PHACTR1: variants seen among roughly 807,000 people sequenced by gnomAD.
PHACTR1 encodes phosphatase and actin regulator 1.
Under a neutral mutation model 69.2 loss-of-function variants are expected in PHACTR1, and 16 were observed. That is an observed-to-expected ratio of 0.23 (90% CI 0.16 to 0.35). The LOEUF is 0.35. Ranked by LOEUF, PHACTR1 falls within the 10% of genes least tolerant of loss-of-function variation. The probability of loss-of-function intolerance (pLI) is 1.00; values close to 1 mark genes in which losing one functional copy is unlikely to be tolerated. For missense variants in PHACTR1, 510 were observed against 734.7 expected, an observed-to-expected ratio of 0.69 and a Z score of 3.54; for synonymous variants, 312 against 284.5, an observed-to-expected ratio of 1.10 and a Z score of -0.97.
At chr6:12,912,142 C>A (rs1331398641) in intron 4 of PHACTR1, among the ~76,000 whole-genome samples, 1 of 152,144 alleles carries the variant, frequency 6.6e-6, no homozygotes, top group Non-Finnish European at 1.5e-5. Flanking sequence ...GAATTACAGG[C>A]ATGCACCACC....
chr6:13,166,748 C>T (rs777515188), intron 6 of PHACTR1, among the ~76,000 whole-genome samples: 30 of 152,018 alleles, frequency 2.0e-4, no homozygotes, highest in Non-Finnish European at 3.8e-4. Context: ...ATAGTCATCC[C>T]GAGGTATACG....
intron 4 of PHACTR1, among the ~76,000 whole-genome samples, chr6:12,767,303 C>T (rs1006873327): frequency 6.6e-6 from 1 of 152,234 alleles, no homozygotes; most frequent in African/African-American, 2.4e-5. Flanking sequence ...AGAATTCCCC[C>T]AGCCTTGCTC....
chr6:13,096,309 C>T (rs1207726971), intron 5 of PHACTR1, among the ~76,000 whole-genome samples: 1 of 152,158 alleles, frequency 6.6e-6, no homozygotes, highest in Non-Finnish European at 1.5e-5. Flanking sequence ...CATTCACAAG[C>T]CTCTCTAAAG....
At chr6:13,252,419 T>C (rs1774599054) in intron 10 of PHACTR1, among the ~76,000 whole-genome samples, 1 of 151,990 alleles carries the variant, frequency 6.6e-6, no homozygotes, top group Non-Finnish European at 1.5e-5. Context: ...CATTTGACTC[T>C]CCATTTTCCA....
At chr6:13,082,858 G>T (rs1583279621) in intron 5 of PHACTR1, among the ~76,000 whole-genome samples, 1 of 152,246 alleles carries the variant, frequency 6.6e-6, no homozygotes, top group East Asian at 1.9e-4. Flanking sequence ...TTTGTCAGAT[G>T]AGTAGGTTGC....
chr6:12,747,406 G>A (rs965384577), intron 3 of PHACTR1, among the ~76,000 whole-genome samples: 1 of 151,794 alleles, frequency 6.6e-6, no homozygotes, highest in Admixed American at 6.6e-5. Flanking sequence ...GCTCATGCTT[G>A]TATTCCCAGC....
chr6:13,177,375 C>CTA (rs1358482298), intron 6 of PHACTR1, among the ~76,000 whole-genome samples: 1 of 130,830 alleles, frequency 7.6e-6, no homozygotes, highest in Non-Finnish European at 1.7e-5. Context: ...CTCTCTCTCT[C>CTA]TCTCTCTATA....
At chr6:13,171,497 C>T (rs1277055446) in intron 6 of PHACTR1, among the ~76,000 whole-genome samples, 2 of 152,212 alleles carry the variant, frequency 1.3e-5, no homozygotes, top group Admixed American at 6.5e-5. Context: ...CTACCTTGAG[C>T]GGTGCTGTCC....
At chr6:12,986,563 G>A (rs2127599745) in intron 4 of PHACTR1, among the ~76,000 whole-genome samples, 1 of 152,296 alleles carries the variant, frequency 6.6e-6, no homozygotes, top group Non-Finnish European at 1.5e-5. Context: ...TTCTATGCTA[G>A]GCAGCATGCT....
intron 7 of PHACTR1, among the ~76,000 whole-genome samples, chr6:13,203,124 C>A (rs1201793281): frequency 6.6e-6 from 1 of 152,238 alleles, no homozygotes; most frequent in African/African-American, 2.4e-5. Context: ...TAATCTGTTT[C>A]AGGCTCACAT....
chr6:13,256,182 C>T (rs1025384095), intron 10 of PHACTR1, among the ~76,000 whole-genome samples: 2 of 152,252 alleles, frequency 1.3e-5, no homozygotes. Context: ...CTGAGCTGCA[C>T]CTGGGCCCCT....
At chr6:13,100,563 C>A (rs1814995770) in intron 5 of PHACTR1, among the ~76,000 whole-genome samples, 1 of 152,190 alleles carries the variant, frequency 6.6e-6, no homozygotes, top group Non-Finnish European at 1.5e-5. Flanking sequence ...CCTCTCTTAC[C>A]TTGCAATGGA....
At chr6:12,821,960 G>A (rs1003755316) in intron 4 of PHACTR1, among the ~76,000 whole-genome samples, 2 of 152,144 alleles carry the variant, frequency 1.3e-5, no homozygotes, top group Non-Finnish European at 1.5e-5. Flanking sequence ...GGAAACTTTG[G>A]GGAAAATCAT....
chr6:12,965,344 T>C (rs1793311495), intron 4 of PHACTR1, among the ~76,000 whole-genome samples: 6 of 152,156 alleles, frequency 3.9e-5, no homozygotes, highest in Admixed American at 2.6e-4. Context: ...TTCACAGACA[T>C]GTGCAGAGCA....
At chr6:13,239,304 A>C (rs968549428) in intron 10 of PHACTR1, among the ~76,000 whole-genome samples, 1 of 152,220 alleles carries the variant, frequency 6.6e-6, no homozygotes, top group Non-Finnish European at 1.5e-5. Flanking sequence ...GAGTTCTACA[A>C]CATTTGTACC....
Position 13,158,962 on chromosome 6 carries a change from G to T in PHACTR1, c.416-1242G>T, listed in dbSNP as rs141679086. 2.2e-4 allele frequency among the ~76,000 whole-genome samples: 34 copies of T among 152,370 alleles called. No homozygotes were observed. In the East Asian group the frequency reaches 5.0e-3, roughly 22 times the overall value. On this transcript the variant is annotated intron_variant, in intron 5 of 14. Transcript: ENST00000332995. The stretch of plus-strand genomic sequence containing the variant: ...TCCCCTGAATATGTTTTCAAAGGCT[G>T]TGGAGGTTGAGTCAGTGTGTACCGG...
intron 10 of PHACTR1, among the ~76,000 whole-genome samples, chr6:13,248,346 A>T (rs1031176145): frequency 3.9e-5 from 6 of 152,228 alleles, no homozygotes; most frequent in Non-Finnish European, 7.3e-5. Flanking sequence ...AAAACAAAAC[A>T]ATGAAAAACA....
At chr6:12,925,882 G>A (rs192835403) in intron 4 of PHACTR1, among the ~76,000 whole-genome samples, 15 of 152,226 alleles carry the variant, frequency 9.9e-5, no homozygotes, top group South Asian at 4.2e-4. Context: ...CCTGTCTCTC[G>A]TGTATCTTCA....
chr6:12,829,964 A>AAGAGAGAGAGAGAGAGAGAG (rs149861206), intron 4 of PHACTR1, among the ~76,000 whole-genome samples: 95 of 99,936 alleles, frequency 9.5e-4, no homozygotes, highest in African/African-American at 3.5e-3. Context: ...TCAAGAAAGA[A>AAGAGAGAGAGAGAGAGAGAG]AGAGAGAGAG....
Sources: allele counts gnomAD v4.1 joint callset (sites outside exome capture counted in the v4.1 genomes callset), GRCh38; gene constraint gnomAD v4.1.1; transcripts MANE v1.5; gene names NCBI Gene and HGNC (gene_info 2026-07-23, HGNC 2026-07-21).